The following TEX11 variants were observed in gnomAD, a reference collection of about 807,000 sequenced individuals.
TEX11 encodes the protein testis-expressed protein 11.
Under a neutral mutation model 84.4 loss-of-function variants are expected in TEX11, and 7 were observed. The ratio of observed to expected loss-of-function variants is 0.08; its 90% CI spans 0.05 to 0.16. TEX11 has a LOEUF of 0.16. Ranked by LOEUF, TEX11 falls within the 10% of genes least tolerant of loss-of-function variation. TEX11 has a pLI of 1.00. For missense variants in TEX11, 551 were observed against 660.5 expected (o/e 0.83, Z 1.82); for synonymous variants, 264 against 222.8 (o/e 1.18, Z -1.64).
intron 28 of TEX11, among the ~76,000 whole-genome samples, chrX:70,531,537 C>A (rs773207671): frequency 9.0e-6 from 1 of 111,356 alleles, no homozygotes; most frequent in African/African-American, 3.3e-5. Context: ...AACAAACAAA[C>A]ATGATCTTAG....
intron 13 of TEX11, among the ~76,000 whole-genome samples, chrX:70,710,854 T>A (rs1353685503): frequency 1.8e-5 from 2 of 110,966 alleles, no homozygotes; most frequent in East Asian, 5.6e-4. Flanking sequence ...TTGTTACATA[T>A]GTATACATGT....
At chrX:70,581,457 C>T (rs765394871) in intron 25 of TEX11, among the ~76,000 whole-genome samples, 48 of 109,394 alleles carry the variant, frequency 4.4e-4, no homozygotes, top group South Asian at 1.6e-3. Context: ...TACCACCACA[C>T]CCGGCTAATT....
intron 8 of TEX11, among the ~76,000 whole-genome samples, chrX:70,815,113 C>T (rs920526763): frequency 5.4e-5 from 6 of 111,737 alleles, no homozygotes; most frequent in African/African-American, 1.9e-4. Flanking sequence ...TGAAATGTCT[C>T]ACAACTAGCG....
intron 7 of TEX11, among the ~76,000 whole-genome samples, chrX:70,850,385 T>G (rs2091501129): frequency 9.0e-6 from 1 of 111,224 alleles, no homozygotes; most frequent in Non-Finnish European, 1.9e-5. Context: ...CCTAGGACTG[T>G]GCTAGCTTTT....
In TEX11 at chrX:70,848,855, C is replaced by T. The variant is rs957841250; in HGVS notation, c.525+4179G>A. On this transcript the variant is annotated intron_variant, in intron 7 of 29. Coordinates refer to ENST00000374333, the MANE Select transcript of TEX11 (RefSeq NM_031276.3). ...AGCCCCTTCCTCAGTGTGACCCTGT[C>T]AGCTTCTACAAGTGGTCCTACTTTA... Among the ~76,000 whole-genome samples, 3 of 111,296 alleles carry T rather than the reference C, an allele frequency of 2.7e-5. No individual in the cohort carries two copies. In the Admixed American group the frequency reaches 2.9e-4, roughly 11 times the overall value.
intron 2 of TEX11, among the ~76,000 whole-genome samples, chrX:70,905,475 A>AT (rs892138245): frequency 8.9e-6 from 1 of 111,802 alleles, no homozygotes; most frequent in African/African-American, 3.3e-5. Context: ...TGAGGATAAA[A>AT]TTTTGTTTTA....
chrX:70,529,752 G>A (rs2087859927), intron 29 of TEX11, 83 bp downstream of exon 29: 2 of 960,442 alleles, frequency 2.1e-6, no homozygotes, highest in African/African-American at 3.9e-5. Flanking sequence ...CAAGGAGGAT[G>A]GGGTTGAGTC....
At chrX:70,887,965 G>A (rs1363726345) in intron 2 of TEX11, among the ~76,000 whole-genome samples, 2 of 113,087 alleles carry the variant, frequency 1.8e-5, no homozygotes, top group African/African-American at 3.2e-5. Context: ...CTTATGGAAG[G>A]CCACCAAGGT....
chrX:70,815,472 G>A (rs2091281142), intron 8 of TEX11, among the ~76,000 whole-genome samples: 1 of 111,122 alleles, frequency 9.0e-6, no homozygotes, highest in African/African-American at 3.3e-5. Context: ...AAAGAAGGGT[G>A]AGTATAATAA....
In TEX11 at chrX:70,907,828, A is replaced by G. The variant is rs757657870; in HGVS notation, c.-21-18T>C. On this transcript the variant is annotated intron_variant, in intron 1 of 29. Coordinates refer to ENST00000374333, the MANE Select transcript of TEX11 (RefSeq NM_031276.3). ...GCTCAAGCCTGTGAAATAATAACAT[A>G]TTTTAATACTCTGTTTTATCCTCTA... is the stretch of plus-strand genomic sequence containing the variant. The G allele has an allele frequency of 1.0e-6, 1 of 994,255 alleles. No individual in the cohort carries two copies. The highest frequency in any genetic ancestry group is 2.2e-5 in the Admixed American group (1 of 44,837). 81.9% of individuals were successfully genotyped at this position (994,255 alleles called of 1,213,427 possible).
chrX:70,705,199 C>T (rs200970196), intron 13 of TEX11, among the ~76,000 whole-genome samples: 8,574 of 111,051 alleles, frequency 0.077, 415 homozygotes, highest in Admixed American at 0.24. Flanking sequence ...GTTACTATAG[C>T]CTTGTAGTAT....
chrX:70,665,213 T>C (rs948395427), intron 16 of TEX11, among the ~76,000 whole-genome samples: 6 of 110,819 alleles, frequency 5.4e-5, no homozygotes, highest in South Asian at 7.6e-4. Flanking sequence ...AGTTAAAGAG[T>C]ACCCAATTGT....
chrX:70,769,146 C>T (rs1238916623), intron 9 of TEX11, among the ~76,000 whole-genome samples: 1 of 111,183 alleles, frequency 9.0e-6, no homozygotes, highest in African/African-American at 3.3e-5. Flanking sequence ...ATATGCTAAC[C>T]TTTCACCTTA....
At chrX:70,765,479 A>C (rs2090933603) in intron 9 of TEX11, among the ~76,000 whole-genome samples, 2 of 112,076 alleles carry the variant, frequency 1.8e-5, no homozygotes, top group Non-Finnish European at 3.8e-5. Flanking sequence ...ACATCGTTCA[A>C]CATATACAAA....
intron 11 of TEX11, among the ~76,000 whole-genome samples, chrX:70,735,074 C>A (rs185481027): frequency 1.8e-5 from 2 of 109,468 alleles, no homozygotes; most frequent in Admixed American, 1.9e-4. Context: ...TTTTTTGAGA[C>A]GGAGTTTTGC....
At chrX:70,821,896 A>T (rs2091320012) in intron 8 of TEX11, among the ~76,000 whole-genome samples, 1 of 111,689 alleles carries the variant, frequency 9.0e-6, no homozygotes, top group African/African-American at 3.3e-5. Context: ...TATATGATAT[A>T]GCCATTTCAC....
At chrX:70,631,438 G>A (rs1307055025) in intron 17 of TEX11, among the ~76,000 whole-genome samples, 1 of 111,705 alleles carries the variant, frequency 9.0e-6, no homozygotes, top group Non-Finnish European at 1.9e-5. Context: ...GAAAGTATTT[G>A]GAACCAAATT....
intron 15 of TEX11, among the ~76,000 whole-genome samples, chrX:70,675,530 C>A (rs1403329189): frequency 9.5e-6 from 1 of 105,141 alleles, no homozygotes; most frequent in African/African-American, 3.6e-5. Context: ...CTGGAAACCA[C>A]CTTTCTTTCT....
At position 70,849,707 on chromosome X, in the gene TEX11, C is replaced by T. The variant is rs769741453; in HGVS notation, c.525+3327G>A. 3.6e-5 allele frequency among the ~76,000 whole-genome samples: 4 copies of T among 111,959 alleles called. No homozygotes were observed. In the East Asian group the frequency reaches 1.1e-3, roughly 31 times the overall value. Reference sequence around the variant, plus strand: ...GAATGTCTTAGAAATGAAAAATTAACTTAGAGCAAAAGGAATTAGCCTTCA... The same window carrying T: ...GAATGTCTTAGAAATGAAAAATTAATTTAGAGCAAAAGGAATTAGCCTTCA... On this transcript the variant is annotated intron_variant, in intron 7 of 29. Transcript: ENST00000374333.
Sources: gnomAD v4.1 joint callset for allele counts (sites outside exome capture counted in the v4.1 genomes callset) on GRCh38, gnomAD v4.1.1 for gene constraint, MANE v1.5 for transcripts, NCBI Gene and HGNC (gene_info 2026-07-23, HGNC 2026-07-21) for gene names.